NYAP2: variants seen among roughly 807,000 people sequenced by gnomAD.
NYAP2 encodes the protein neuronal tyrosine-phosphorylated phosphoinositide-3-kinase adapter 2.
Under a neutral mutation model 50.4 loss-of-function variants are expected in NYAP2, and 23 were observed. That is an observed-to-expected ratio of 0.46 (90% CI 0.33 to 0.65). The LOEUF is 0.65. Among genes scored for constraint, NYAP2 ranks in the 30% least tolerant of loss-of-function variants. NYAP2 has a pLI of 0.02. For synonymous variants in NYAP2, 394 were observed against 365.2 expected, an observed-to-expected ratio of 1.08 and a Z score of -0.90; for missense variants, 885 against 861.0, an observed-to-expected ratio of 1.03 and a Z score of -0.35.
Position 225,622,527 on chromosome 2 carries a change from TTC to T in NYAP2, c.1619-4388_1619-4387del, listed in dbSNP as rs1438952814. 8.4e-5 allele frequency among the ~76,000 whole-genome samples: 4 copies of T among 47,474 alleles called. No individual in the cohort carries two copies. The South Asian group carries it at 2.7e-3, about 32-fold the overall frequency. 31.1% of individuals were successfully genotyped at this position (47,474 alleles called of 152,430 possible). A position where few individuals can be genotyped will look rare whatever the true frequency, so the allele number is the denominator to read the frequency against. ...TTTTCTTTCTTTCTTTCTTCTTTCT[TTC>T]TTTCTTTCTTTCTTTCTTTCTTTCT... On this transcript the variant is annotated intron_variant, in intron 5 of 6. Coordinates refer to ENST00000636099, the Ensembl canonical transcript of NYAP2.
intron 3 of NYAP2, among the ~76,000 whole-genome samples, chr2:225,478,572 C>T (rs1690156184): frequency 6.6e-6 from 1 of 152,210 alleles, no homozygotes; most frequent in Non-Finnish European, 1.5e-5. Flanking sequence ...AATCCAACTT[C>T]AAGCCTGAAG....
At chr2:225,655,074 G>T (rs1428114555), downstream of NYAP2, among the ~76,000 whole-genome samples, 2 of 152,196 alleles carry the variant, frequency 1.3e-5, no homozygotes, top group African/African-American at 4.8e-5. Flanking sequence ...ACCAGAGGTG[G>T]TATATGAACA....
intron 3 of NYAP2, among the ~76,000 whole-genome samples, chr2:225,424,633 C>A (rs1695260027): frequency 6.6e-6 from 1 of 151,792 alleles, no homozygotes. Flanking sequence ...GTCAAAAAGT[C>A]AATATGAAGG....
At chr2:225,602,346 G>T (rs1234680610) in intron 5 of NYAP2, among the ~76,000 whole-genome samples, 1 of 152,170 alleles carries the variant, frequency 6.6e-6, no homozygotes, top group Non-Finnish European at 1.5e-5. Flanking sequence ...AAGACGTGAA[G>T]GGGAGAGAAA....
At chr2:225,548,174 G>A (rs1359582194) in intron 4 of NYAP2, among the ~76,000 whole-genome samples, 1 of 151,402 alleles carries the variant, frequency 6.6e-6, no homozygotes, top group Non-Finnish European at 1.5e-5. Flanking sequence ...TGTTGTCTGT[G>A]GAAAATTTTT....
intron 3 of NYAP2, among the ~76,000 whole-genome samples, chr2:225,510,351 G>T (rs867139991): frequency 6.6e-6 from 1 of 152,104 alleles, no homozygotes; most frequent in Non-Finnish European, 1.5e-5. Context: ...TTCTGGGGGG[G>T]TTCTGGATTA....
chr2:225,520,101 C>T (rs1484011539), intron 4 of NYAP2, among the ~76,000 whole-genome samples: 1 of 152,106 alleles, frequency 6.6e-6, no homozygotes, highest in Non-Finnish European at 1.5e-5. Context: ...TGTCCTTCGC[C>T]CACTTTTTGA....
At chr2:225,520,219 G>A (rs1313536041) in intron 4 of NYAP2, among the ~76,000 whole-genome samples, 4 of 152,046 alleles carry the variant, frequency 2.6e-5, no homozygotes, top group Admixed American at 2.6e-4. Context: ...CCATTTTGTA[G>A]GTTGCCTGTT....
At chr2:225,684,553 GTTTT>G in the NYAP2 span, among the ~76,000 whole-genome samples, 1 of 150,720 alleles carries the variant, frequency 6.6e-6, no homozygotes. Context: ...CTTAAATATA[GTTTT>G]TTTGTTTTTT....
intron 3 of NYAP2, among the ~76,000 whole-genome samples, chr2:225,462,532 G>C (rs1210561143): frequency 6.6e-6 from 1 of 151,858 alleles, no homozygotes; most frequent in Non-Finnish European, 1.5e-5. Context: ...TTTATAACTC[G>C]GATGATGTTA....
intron 3 of NYAP2, among the ~76,000 whole-genome samples, chr2:225,430,133 T>C (rs1354339998): frequency 1.3e-5 from 2 of 152,226 alleles, no homozygotes; most frequent in Non-Finnish European, 2.9e-5. Context: ...CCCTTATTTT[T>C]CTTCTTTTAG....
intron 3 of NYAP2, among the ~76,000 whole-genome samples, chr2:225,440,963 A>T (rs1574616111): frequency 4.6e-5 from 7 of 152,176 alleles, no homozygotes; most frequent in Admixed American, 4.6e-4. Flanking sequence ...GGCTGGTGTC[A>T]AGGAGCCTTG....
At chr2:225,634,039 T>C (rs1693367985) in intron 6 of NYAP2, among the ~76,000 whole-genome samples, 1 of 152,160 alleles carries the variant, frequency 6.6e-6, no homozygotes, top group African/African-American at 2.4e-5. Flanking sequence ...CAGAAGCTGC[T>C]GTTCCTGGAC....
At chr2:225,572,178 T>C (rs1692084868) in intron 4 of NYAP2, among the ~76,000 whole-genome samples, 1 of 152,218 alleles carries the variant, frequency 6.6e-6, no homozygotes, top group Admixed American at 6.5e-5. Flanking sequence ...CACGTTTTCC[T>C]TTCTTCTTCC....
intron 5 of NYAP2, among the ~76,000 whole-genome samples, chr2:225,590,628 A>C (rs1264236475): frequency 6.6e-6 from 1 of 152,220 alleles, no homozygotes; most frequent in African/African-American, 2.4e-5. Context: ...TATTGCTTTC[A>C]TCTAACAAGG....
chr2:225,517,705 C>T (rs763570781), intron 4 of NYAP2, among the ~76,000 whole-genome samples: 3 of 152,010 alleles, frequency 2.0e-5, no homozygotes, highest in Non-Finnish European at 4.4e-5. Context: ...TTCTAATAGG[C>T]CTGAATAACA....
chr2:225,512,062 A>G (rs1392980964), intron 3 of NYAP2, among the ~76,000 whole-genome samples: 1 of 152,134 alleles, frequency 6.6e-6, no homozygotes, highest in Non-Finnish European at 1.5e-5. Flanking sequence ...CTCTAGAAAA[A>G]TCTTCCTTTT....
At position 225,582,682 on chromosome 2, in the gene NYAP2, G is replaced by A. The variant is rs377307715; in HGVS notation, c.1265G>A (p.Arg422Gln). ...CCCCCACCCCCGTCTACGCTGTACC[G>A]AACCCAGTCTCCCCATGGCTACCCT... The change falls in exon 5 of 7, where the codon CGA becomes CAA. Residue 422 changes from arginine (R) to glutamine (Q), a missense_variant. Coordinates refer to ENST00000636099, the Ensembl canonical transcript of NYAP2. This position sits in a 1 kb window ranked among gnomAD's most constrained non-coding sequence, Gnocchi z 7.0. 20 of 1,599,338 alleles carry A rather than the reference G, an allele frequency of 1.3e-5. No individual in the cohort carries two copies. The African/African-American group carries it at 1.5e-4, about 12-fold the overall frequency.
rs1378715610 is a variant in NYAP2 at position 225,471,567 on chromosome 2, T to C, written c.222-41804T>C. 4.6e-5 allele frequency among the ~76,000 whole-genome samples: 7 copies of C among 152,200 alleles called. No homozygotes were observed. In the South Asian group the frequency reaches 1.5e-3, roughly 32 times the overall value. On this transcript the variant is annotated intron_variant, in intron 3 of 6. Coordinates refer to ENST00000636099, the Ensembl canonical transcript of NYAP2. The stretch of plus-strand genomic sequence containing the variant: ...ATATAGTAACATATTAACAGAAATA[T>C]CTTGGCAGCTACCCTATCCAAACAC...
Sources: gnomAD v4.1 joint callset for allele counts (sites outside exome capture counted in the v4.1 genomes callset) on GRCh38, gnomAD v4.1.1 for gene constraint, Gnocchi (gnomAD v3.1) non-coding constraint, MANE v1.5 for transcripts, NCBI Gene and HGNC (gene_info 2026-07-23, HGNC 2026-07-21) for gene names.